The following FGFR1 variants were observed in gnomAD, a reference collection of about 807,000 sequenced individuals.
FGFR1 encodes the protein FGFR1/PLAG1 fusion.
FGFR1 carries 18 observed loss-of-function variants against 93.7 expected under a neutral mutation model. The ratio of observed to expected loss-of-function variants is 0.19; its 90% confidence interval spans 0.13 to 0.28. The LOEUF (loss-of-function observed/expected upper bound fraction) is 0.28. Ranked by LOEUF, FGFR1 falls within the 10% of genes least tolerant of loss-of-function variation. The pLI is 1.00. For synonymous variants in FGFR1, 448 were observed against 429.3 expected (o/e 1.04, Z -0.54); for missense variants, 731 against 1,080.4 (o/e 0.68, Z 4.53).
chr8:38,415,872 T>G lies in FGFR1; in HGVS notation c.1852A>C (p.Lys618Gln). 6.2e-7 allele frequency: 1 copy of G among 1,613,502 alleles called. No individual in the cohort carries two copies. Among genetic ancestry groups the G allele is most frequent in the Non-Finnish European group, 8.5e-7 (1 of 1,179,986 alleles). The change falls in exon 13 of 18, where the codon AAG becomes CAG. Residue 618 changes from lysine to glutamine, a missense_variant and splice_region_variant. Lys to Gln is a moderately conservative substitution (Grantham distance 53, BLOSUM62 1). This residue lies in a region of FGFR1 where 44 missense variants were observed against 99.9 expected (regional missense o/e 0.44). Coordinates refer to ENST00000447712, the MANE Select transcript of FGFR1 (RefSeq NM_023110.3). The stretch of plus-strand genomic sequence containing the variant: ...AGGGGAGCCTTCAGGTTCCACACCT[T>G]CTTGGAGGCCAGATACTCCATGCCT... Reference protein sequence around the residue: ...ARGMEYLASKKCIHRDLAARN... With the variant: ...ARGMEYLASKQCIHRDLAARN...
intron 8 of FGFR1, 122 bp from the exon 9 acceptor site, chr8:38,419,857 G>T: frequency 2.5e-6 from 2 of 784,942 alleles, no homozygotes; most frequent in Non-Finnish European, 4.2e-6. Flanking sequence ...GAAGAACCAT[G>T]GCAAGTTCTA....
chr8:38,418,412 G>T, intron 9 of FGFR1, 39 bp from the exon 10 acceptor site: 3 of 1,599,870 alleles, frequency 1.9e-6, no homozygotes, highest in Non-Finnish European at 1.7e-6. Context: ...GCAAGGAGGG[G>T]GGACGGGGTG....
At chr8:38,460,989 T>C (rs1292915279) in intron 1 of FGFR1, 10 of 1,421,416 alleles carry the variant, frequency 7.0e-6, no homozygotes, top group South Asian at 1.2e-5. Flanking sequence ...CTCTCCAATA[T>C]CAGCTAGGCT....
At chr8:38,466,659 G>A (rs1835581213) in intron 1 of FGFR1, 2 of 226,954 alleles carry the variant, frequency 8.8e-6, no homozygotes, top group Non-Finnish European at 8.8e-6. Context: ...AAGGAGGGAG[G>A]TGGTCAAGAC....
At chr8:38,454,785 T>C (rs758724279) in intron 2 of FGFR1, among the ~76,000 whole-genome samples, 1 of 152,158 alleles carries the variant, frequency 6.6e-6, no homozygotes, top group Non-Finnish European at 1.5e-5. Context: ...GAGTAGTTTG[T>C]TGAAGTAAAT....
chr8:38,441,397 T>C (rs1407858690), intron 2 of FGFR1, among the ~76,000 whole-genome samples: 2 of 152,184 alleles, frequency 1.3e-5, no homozygotes, highest in Non-Finnish European at 1.5e-5. Context: ...AGGGCTGTAA[T>C]TAAGTGATTA....
In FGFR1 at chr8:38,428,395, G is replaced by A. The variant is rs1213683426; in HGVS notation, c.399C>T (p.Asp133=). The A allele has an allele frequency of 3.7e-6, 6 of 1,613,622 alleles. No individual in the cohort carries two copies. Among genetic ancestry groups the A allele is most frequent in the African/African-American group, 1.3e-5 (1 of 75,034 alleles). The stretch of plus-strand genomic sequence containing the variant: ...CTGTTTCTTTCTCCTCTGAAGAGGA[G>A]TCATCATCATCATCATCATCCTCCG... ...PSSEDDDDDD[D]SSSEEKETDN... Residue 133 remains aspartate (D), a synonymous_variant, in exon 4 of 18, where the codon GAC becomes GAT. Coordinates refer to ENST00000447712, the MANE Select transcript of FGFR1 (RefSeq NM_023110.3).
Position 38,468,515 on chromosome 8 carries a change from T to C in FGFR1, c.-623A>G. Reference sequence around the variant, plus strand: ...TCCCGTCCGGACGTGGCCGCCCAGCTCCCGGCACACCCGGGTTCCTCCGCG... The same window carrying C: ...TCCCGTCCGGACGTGGCCGCCCAGCCCCCGGCACACCCGGGTTCCTCCGCG... On this transcript the variant is annotated 5_prime_UTR_variant, in exon 1 of 18. Coordinates refer to ENST00000447712, the MANE Select transcript of FGFR1 (RefSeq NM_023110.3). The C allele has an allele frequency of 4.4e-6, 1 of 228,666 alleles. No homozygotes were observed. Among genetic ancestry groups the C allele is most frequent in the Non-Finnish European group, 8.7e-6 (1 of 114,940 alleles). 14.2% of individuals were successfully genotyped at this position (228,666 alleles called of 1,614,324 possible).
intron 2 of FGFR1, among the ~76,000 whole-genome samples, chr8:38,437,593 G>C (rs1054290597): frequency 1.3e-5 from 2 of 152,186 alleles, no homozygotes; most frequent in Non-Finnish European, 2.9e-5. Flanking sequence ...TGTCTGGGGG[G>C]AACAGAAGAG....
chr8:38,468,013 G>A lies in FGFR1; in HGVS notation c.-121C>T, dbSNP rs910025583. On this transcript the variant is annotated 5_prime_UTR_variant, in exon 1 of 18. Transcript: ENST00000447712. The stretch of plus-strand genomic sequence containing the variant: ...GGCGTGGAGGTTCCGCCTCGGGAGA[G>A]TCCGCCGTGGCTTGTGCGAGCGGGC... 1 of 221,112 alleles carries A rather than the reference G, an allele frequency of 4.5e-6. No homozygotes were observed. Among genetic ancestry groups the A allele is most frequent in the Admixed American group, 5.8e-5 (1 of 17,324 alleles). 13.7% of individuals were successfully genotyped at this position (221,112 alleles called of 1,614,324 possible). A position where few individuals can be genotyped will look rare whatever the true frequency, so the allele number is the denominator to read the frequency against.
chr8:38,413,391 G>T lies in FGFR1; in HGVS notation c.*237C>A, dbSNP rs1007572821. 23 of 566,728 alleles carry T rather than the reference G, an allele frequency of 4.1e-5. No homozygotes were observed. Among genetic ancestry groups the T allele is most frequent in the Non-Finnish European group, 7.2e-5 (23 of 320,202 alleles). The allele number at this position is 566,728 out of a possible 1,614,324, so 35.1% of individuals were successfully genotyped here. The stretch of plus-strand genomic sequence containing the variant: ...GTTGGTCCAACATCTGGGAGGGGAT[G>T]AAGTGGCTGGCAGCAAAGATCTGCC... On this transcript the variant is annotated 3_prime_UTR_variant, in exon 18 of 18. Coordinates refer to ENST00000447712, the MANE Select transcript of FGFR1 (RefSeq NM_023110.3). This position sits in a 1 kb window ranked among gnomAD's most constrained non-coding sequence, Gnocchi z 4.2.
Position 38,412,080 on chromosome 8 carries a change from G to T in FGFR1, c.*1548C>A, listed in dbSNP as rs1364950586. ...ACCTTCATCATTTGTTTTCCTTTTT[G>T]TTTTCTCTGTTGCCCAGGCTGGAGT... On this transcript the variant is annotated 3_prime_UTR_variant, in exon 18 of 18. Coordinates refer to ENST00000447712, the MANE Select transcript of FGFR1 (RefSeq NM_023110.3). The T allele has an allele frequency of 5.5e-5, 12 of 216,428 alleles. No individual in the cohort carries two copies. In the East Asian group the frequency reaches 8.2e-4, roughly 15 times the overall value. 13.4% of individuals were successfully genotyped at this position (216,428 alleles called of 1,614,324 possible).
intron 2 of FGFR1, among the ~76,000 whole-genome samples, chr8:38,442,965 G>A (rs1020609350): frequency 6.6e-6 from 1 of 152,186 alleles, no homozygotes; most frequent in African/African-American, 2.4e-5. Flanking sequence ...AGAAAGGAAT[G>A]GGCTTCATAA....
At chr8:38,440,617 A>T (rs1358433017) in intron 2 of FGFR1, among the ~76,000 whole-genome samples, 7 of 150,914 alleles carry the variant, frequency 4.6e-5, no homozygotes, top group Non-Finnish European at 1.0e-4. Flanking sequence ...AAAGAGTAAG[A>T]GGGGACATTT....
intron 6 of FGFR1, chr8:38,425,892 T>C (rs1180262589): frequency 1.7e-6 from 1 of 595,714 alleles, no homozygotes; most frequent in Non-Finnish European, 3.0e-6. Flanking sequence ...CACCTTCAAT[T>C]TCACAGTGAC....
chr8:38,428,863 A>G (rs1467196927), intron 3 of FGFR1: 1 of 295,656 alleles, frequency 3.4e-6, no homozygotes, highest in Non-Finnish European at 6.6e-6. Context: ...TGGGCTAAAC[A>G]CCCCACAGTC....
intron 2 of FGFR1, 143 bp from the exon 3 acceptor site, chr8:38,430,091 GC>G: frequency 1.2e-6 from 1 of 816,028 alleles, no homozygotes; most frequent in South Asian, 1.8e-5. Flanking sequence ...AGGCTACTGA[GC>G]CAGGGCAGTG....
chr8:38,461,891 C>T (rs1259717096), intron 1 of FGFR1, among the ~76,000 whole-genome samples: 1 of 152,040 alleles, frequency 6.6e-6, no homozygotes, highest in East Asian at 1.9e-4. Flanking sequence ...TGAGTCACTC[C>T]TTAATAGCAC....
chr8:38,452,518 C>T (rs188093262), intron 2 of FGFR1, among the ~76,000 whole-genome samples: 11 of 152,058 alleles, frequency 7.2e-5, no homozygotes, highest in Non-Finnish European at 8.8e-5. Context: ...ATGTGTGCCA[C>T]GTTACCCAGC....
Sources: allele counts gnomAD v4.1 joint callset (sites outside exome capture counted in the v4.1 genomes callset), GRCh38; gene constraint gnomAD v4.1.1; regional missense constraint gnomAD v4.1.1; non-coding constraint Gnocchi (gnomAD v3.1); transcripts MANE v1.5; gene names NCBI Gene and HGNC (gene_info 2026-07-23, HGNC 2026-07-21).